SLIT2: variants seen among roughly 807,000 people sequenced by gnomAD.
The protein encoded by SLIT2 is slit homolog 2 protein.
In SLIT2, 41 loss-of-function variants were observed where a neutral mutation model predicts 185.7. That is an observed-to-expected ratio of 0.22 (90% CI 0.17 to 0.29). The LOEUF is 0.29. SLIT2 is among the 10% of genes least tolerant of loss of function. The pLI is 1.00. For synonymous variants in SLIT2, 693 were observed against 680.2 expected (o/e 1.02, Z -0.29); for missense variants, 1,571 against 1,909.0 (o/e 0.82, Z 3.30).
intron 5 of SLIT2, among the ~76,000 whole-genome samples, chr4:20,478,090 G>A (rs1371297176): frequency 6.6e-6 from 1 of 152,190 alleles, no homozygotes; most frequent in African/African-American, 2.4e-5. Context: ...ACAGACAAAT[G>A]AAGGTCTGTT....
At chr4:20,466,392 G>A (rs1714356412) in intron 4 of SLIT2, among the ~76,000 whole-genome samples, 1 of 152,110 alleles carries the variant, frequency 6.6e-6, no homozygotes, top group African/African-American at 2.4e-5. Flanking sequence ...GAAGTGGAAG[G>A]CTGCCTTAAC....
intron 4 of SLIT2, among the ~76,000 whole-genome samples, chr4:20,408,287 A>T (rs908875111): frequency 5.9e-5 from 9 of 152,204 alleles, no homozygotes; most frequent in Non-Finnish European, 1.0e-4. Context: ...TAATACTGCG[A>T]TAAAAACATT....
chr4:20,424,270 G>T (rs1728381996), intron 4 of SLIT2, among the ~76,000 whole-genome samples: 1 of 151,952 alleles, frequency 6.6e-6, no homozygotes, highest in African/African-American at 2.4e-5. Flanking sequence ...AAGTTTTATT[G>T]TTCTCTGACA....
intron 4 of SLIT2, among the ~76,000 whole-genome samples, chr4:20,402,249 T>C (rs1010357903): frequency 6.6e-6 from 1 of 151,866 alleles, no homozygotes. Context: ...GTCTTACTCT[T>C]CCCCCAACAC....
intron 4 of SLIT2, among the ~76,000 whole-genome samples, chr4:20,329,342 A>C (rs985254501): frequency 2.0e-5 from 3 of 151,926 alleles, no homozygotes; most frequent in African/African-American, 7.2e-5. Context: ...ATTAGATGAA[A>C]TAAGATGTAT....
At chr4:20,490,511 A>G (rs1235403886) in intron 8 of SLIT2, among the ~76,000 whole-genome samples, 1 of 152,194 alleles carries the variant, frequency 6.6e-6, no homozygotes, top group African/African-American at 2.4e-5. Context: ...TCTGTTCAAA[A>G]TACAACAAAA....
chr4:20,420,817 C>T (rs1226691838), intron 4 of SLIT2, among the ~76,000 whole-genome samples: 2 of 151,922 alleles, frequency 1.3e-5, no homozygotes, highest in Non-Finnish European at 2.9e-5. Flanking sequence ...ATGATGGGAT[C>T]GATGTCTTTA....
At chr4:20,578,502 T>C (rs1726253174) in intron 29 of SLIT2, among the ~76,000 whole-genome samples, 1 of 152,208 alleles carries the variant, frequency 6.6e-6, no homozygotes, top group African/African-American at 2.4e-5. Context: ...TTAATAATTA[T>C]TTCTTATAAA....
intron 4 of SLIT2, among the ~76,000 whole-genome samples, chr4:20,336,041 A>G (rs192297217): frequency 9.2e-5 from 14 of 152,246 alleles, no homozygotes; most frequent in Admixed American, 8.5e-4. Flanking sequence ...AAACCTACCA[A>G]GTTATATTCC....
At position 20,589,070 on chromosome 4, in the gene SLIT2, T is replaced by C. The variant is rs569253909; in HGVS notation, c.3089-574T>C. ...AATATTTTTTTCAAACATAAAACTA[T>C]AGAATAAGCCAGGCATAAAAGGGTA... On this transcript the variant is annotated intron_variant, in intron 29 of 36. Transcript: ENST00000504154. Among the ~76,000 whole-genome samples the C allele has an allele frequency of 3.0e-4, 45 of 152,288 alleles. 1 individual carries two copies. The highest frequency in any genetic ancestry group is 5.3e-4 in the Non-Finnish European group (36 of 68,020).
At chr4:20,442,026 G>C (rs1309357668) in intron 4 of SLIT2, among the ~76,000 whole-genome samples, 2 of 152,096 alleles carry the variant, frequency 1.3e-5, no homozygotes, top group African/African-American at 4.8e-5. Context: ...TGCTGTGTGA[G>C]AACAGAAAGA....
At chr4:20,529,783 G>A (rs1721621319) in intron 16 of SLIT2, among the ~76,000 whole-genome samples, 1 of 152,086 alleles carries the variant, frequency 6.6e-6, no homozygotes, top group Admixed American at 6.5e-5. Context: ...TAATGTTAGT[G>A]TTCTAACAAT....
In SLIT2 at chr4:20,354,927, G is replaced by A. The variant is rs948106983; in HGVS notation, c.395+86046G>A. Among the ~76,000 whole-genome samples, 29 of 151,746 alleles carry A rather than the reference G, an allele frequency of 1.9e-4. No homozygotes were observed. In the South Asian group the frequency reaches 5.6e-3, roughly 29 times the overall value. On this transcript the variant is annotated intron_variant, in intron 4 of 36. Transcript: ENST00000504154. ...TGTGTGAGAGAGAGAGAGAGAGAGA[G>A]AGAGAGAGAGAGAGAGAGAAGCAAG...
In SLIT2 at chr4:20,472,564, CTATATATAGATA is replaced by C. The variant is rs1715571377; in HGVS notation, c.467+4745_467+4756del. ...TCTATATCTATATATAGATATATAT[CTATATATAGATA>C]TATCTATATATAGATATATATCTAT... On this transcript the variant is annotated intron_variant, in intron 5 of 36. Transcript: ENST00000504154. Among the ~76,000 whole-genome samples the C allele has an allele frequency of 4.3e-4, 2 of 4,662 alleles. 1 individual carries two copies. The highest frequency in any genetic ancestry group is 3.4e-3 in the African/African-American group (2 of 580). The allele number at this position is 4,662 out of a possible 152,430, so 3.1% of individuals were successfully genotyped here.
At chr4:20,388,777 GGA>G (rs1491244147) in intron 4 of SLIT2, among the ~76,000 whole-genome samples, 17 of 85,018 alleles carry the variant, frequency 2.0e-4, no homozygotes, top group African/African-American at 6.2e-4. Flanking sequence ...CCGTCTCAGG[GGA>G]AAAAAAAAAA....
At position 20,543,494 on chromosome 4, in the gene SLIT2, T is replaced by G. The variant is rs1722995338; in HGVS notation, c.2276+868T>G. 2.6e-5 allele frequency among the ~76,000 whole-genome samples: 4 copies of G among 152,318 alleles called. No individual in the cohort carries two copies. The South Asian group carries it at 8.3e-4, about 32-fold the overall frequency. Reference sequence around the variant, plus strand: ...ATTGAGTCACTTTGCCTGTTTATTTTTTATCTATGTGGAACTATGGATCAA... The same window carrying G: ...ATTGAGTCACTTTGCCTGTTTATTTGTTATCTATGTGGAACTATGGATCAA... On this transcript the variant is annotated intron_variant, in intron 21 of 36. Coordinates refer to ENST00000504154, the MANE Select transcript of SLIT2 (RefSeq NM_004787.4).
chr4:20,460,128 G>A (rs185325568), intron 4 of SLIT2, among the ~76,000 whole-genome samples: 1 of 151,920 alleles, frequency 6.6e-6, no homozygotes, highest in Non-Finnish European at 1.5e-5. Flanking sequence ...CCTCCCAAAG[G>A]CTGAGATTAC....
Position 20,539,570 on chromosome 4 carries a change from T to G in SLIT2, c.1962T>G (p.His654Gln). 6.2e-7 allele frequency: 1 copy of G among 1,610,576 alleles called. No individual in the cohort carries two copies. The highest frequency in any genetic ancestry group is 8.5e-7 in the Non-Finnish European group (1 of 1,177,082). Residue 654 changes from histidine (H) to glutamine (Q), a missense_variant, in exon 19 of 37, where the codon CAT becomes CAG. Physicochemically the swap from His to Gln is conservative, Grantham distance 24 (BLOSUM62 0). Transcript: ENST00000504154. ...CACCAGGGGCATTTGATACTCTCCATTCTTTATCTACTCTGTAAGTATGAA... is the reference window on the plus strand; with the variant it reads ...CACCAGGGGCATTTGATACTCTCCAGTCTTTATCTACTCTGTAAGTATGAA... The part of the protein sequence containing the change: ...TVAPGAFDTL[H>Q]SLSTLNLLAN...
At position 20,576,103 on chromosome 4, in the gene SLIT2, G is replaced by A. The variant is rs534191104; in HGVS notation, c.3088+7099G>A. On this transcript the variant is annotated intron_variant, in intron 29 of 36. Transcript: ENST00000504154. ...TGTCTATACTCTGGAAATATCGAAG[G>A]CTGCCCTGTAAGACAGGTTTAAATT... Among the ~76,000 whole-genome samples, 16 of 152,260 alleles carry A rather than the reference G, an allele frequency of 1.1e-4. No homozygotes were observed. In the South Asian group the frequency reaches 2.9e-3, roughly 28 times the overall value.
Sources: allele counts gnomAD v4.1 joint callset (sites outside exome capture counted in the v4.1 genomes callset), GRCh38; gene constraint gnomAD v4.1.1; transcripts MANE v1.5; gene names NCBI Gene and HGNC (gene_info 2026-07-23, HGNC 2026-07-21).